The following FOXP2 variants were observed in gnomAD, a reference collection of about 807,000 sequenced individuals.
The protein encoded by FOXP2 is forkhead box P2.
In FOXP2, 12 loss-of-function variants were observed where a neutral mutation model predicts 115.8. The observed-to-expected ratio is 0.10, with a 90% CI of 0.07 to 0.17. The LOEUF (loss-of-function observed/expected upper bound fraction) is 0.17, where lower values mean the gene tolerates loss of function less well. Among genes scored for constraint, FOXP2 ranks in the 10% least tolerant of loss-of-function variants. The pLI is 1.00. For missense variants in FOXP2, 629 were observed against 843.5 expected (o/e 0.75, Z 3.15); for synonymous variants, 328 against 297.7 (o/e 1.10, Z -1.05).
At chr7:114,181,552 G>C (rs1793457693) in intron 1 of FOXP2, among the ~76,000 whole-genome samples, 1 of 151,884 alleles carries the variant, frequency 6.6e-6, no homozygotes, top group Admixed American at 6.6e-5. Context: ...GTTGATGATA[G>C]TTTCCTTTAT....
At chr7:114,477,218 G>T (rs983349558) in intron 2 of FOXP2, among the ~76,000 whole-genome samples, 3 of 151,962 alleles carry the variant, frequency 2.0e-5, no homozygotes, top group East Asian at 1.9e-4. Flanking sequence ...TATGTTCATT[G>T]TTACGCTATT....
At chr7:114,150,266 T>A (rs1245517880) in intron 1 of FOXP2, among the ~76,000 whole-genome samples, 4 of 152,008 alleles carry the variant, frequency 2.6e-5, no homozygotes, top group Non-Finnish European at 5.9e-5. Context: ...AAGGTAGCCC[T>A]CCATTTGTCC....
At chr7:114,380,647 G>T (rs1212552297) in intron 2 of FOXP2, among the ~76,000 whole-genome samples, 1 of 152,186 alleles carries the variant, frequency 6.6e-6, no homozygotes, top group African/African-American at 2.4e-5. Context: ...CGCAGCACTG[G>T]CCCTTCAAGT....
chr7:114,565,022 A>T (rs1476558861), intron 3 of FOXP2, among the ~76,000 whole-genome samples: 1 of 151,828 alleles, frequency 6.6e-6, no homozygotes, highest in Non-Finnish European at 1.5e-5. Flanking sequence ...TCACAAATGT[A>T]GCTTTTTAAA....
intron 2 of FOXP2, among the ~76,000 whole-genome samples, chr7:114,324,512 A>G (rs1203343540): frequency 2.6e-5 from 4 of 151,832 alleles, no homozygotes; most frequent in Non-Finnish European, 5.9e-5. Flanking sequence ...GCTTGCTGAT[A>G]TTGAGGTTTT....
At chr7:114,237,427 C>T (rs1245526880) in intron 1 of FOXP2, among the ~76,000 whole-genome samples, 3 of 152,116 alleles carry the variant, frequency 2.0e-5, no homozygotes, top group South Asian at 4.1e-4. Context: ...TTGGGACAAT[C>T]GAAATTGAAT....
chr7:114,213,602 T>G (rs1794412113), intron 1 of FOXP2, among the ~76,000 whole-genome samples: 1 of 152,156 alleles, frequency 6.6e-6, no homozygotes, highest in South Asian at 2.1e-4. Context: ...TATATTAATG[T>G]TTATAGCAAT....
chr7:114,131,564 A>G (rs1003127503), intron 1 of FOXP2, among the ~76,000 whole-genome samples: 1 of 152,196 alleles, frequency 6.6e-6, no homozygotes. Flanking sequence ...GCAAAAAAAA[A>G]AGAAAAACAT....
At chr7:114,677,177 A>AG (rs1482913535) in intron 16 of FOXP2, among the ~76,000 whole-genome samples, 1 of 139,884 alleles carries the variant, frequency 7.1e-6, no homozygotes, top group Non-Finnish European at 1.6e-5. Context: ...AAAAACAAAA[A>AG]AAAAAAAAAC....
intron 16 of FOXP2, chr7:114,668,945 C>T (rs1032807372): frequency 2.0e-5 from 3 of 151,898 alleles, no homozygotes; most frequent in Non-Finnish European, 4.4e-5. Context: ...AGAAGGAGAA[C>T]AAAAGAGATT....
At chr7:114,548,974 A>T (rs768054975) in intron 3 of FOXP2, among the ~76,000 whole-genome samples, 10 of 152,218 alleles carry the variant, frequency 6.6e-5, no homozygotes, top group Non-Finnish European at 1.5e-4. Flanking sequence ...TCACTGGAAC[A>T]CTTCAGAAAG....
intron 2 of FOXP2, among the ~76,000 whole-genome samples, chr7:114,514,324 A>G (rs1186004360): frequency 6.6e-6 from 1 of 152,148 alleles, no homozygotes; most frequent in Admixed American, 6.6e-5. Flanking sequence ...TTTGTCATTA[A>G]CTATCATCAC....
chr7:114,251,503 A>G (rs1029768299), intron 1 of FOXP2, among the ~76,000 whole-genome samples: 10 of 152,194 alleles, frequency 6.6e-5, no homozygotes, highest in Non-Finnish European at 1.2e-4. Flanking sequence ...TCCTCGAAGA[A>G]ATACTTCACA....
At chr7:114,681,275 A>G (rs765439507) in intron 16 of FOXP2, among the ~76,000 whole-genome samples, 1 of 152,206 alleles carries the variant, frequency 6.6e-6, no homozygotes, top group Non-Finnish European at 1.5e-5. Flanking sequence ...TCTTTACATC[A>G]TTATAGATAC....
intron 1 of FOXP2, among the ~76,000 whole-genome samples, chr7:114,250,946 CT>C (rs1795425739): frequency 6.6e-6 from 1 of 152,140 alleles, no homozygotes; most frequent in Non-Finnish European, 1.5e-5. Context: ...ACATTTAAGT[CT>C]TTAATCCATC....
chr7:114,628,735 T>C (rs1423026703), intron 4 of FOXP2, 58 bp downstream of exon 4: 2 of 1,605,962 alleles, frequency 1.2e-6, no homozygotes, highest in African/African-American at 2.7e-5. Context: ...TGCACTTATT[T>C]TGAAAGTGCA....
At chr7:114,601,799 T>C (rs781053272) in intron 3 of FOXP2, among the ~76,000 whole-genome samples, 45 of 152,246 alleles carry the variant, frequency 3.0e-4, no homozygotes, top group Non-Finnish European at 3.8e-4. Flanking sequence ...TATAACTTCA[T>C]AGGGGTCAAA....
At chr7:114,181,036 G>T (rs751187458) in intron 1 of FOXP2, among the ~76,000 whole-genome samples, 4 of 151,750 alleles carry the variant, frequency 2.6e-5, no homozygotes. Context: ...GATTGTGCCT[G>T]TCTCTCTATC....
At chr7:114,121,252 A>G (rs1450957302) in intron 1 of FOXP2, among the ~76,000 whole-genome samples, 2 of 152,004 alleles carry the variant, frequency 1.3e-5, no homozygotes, top group Non-Finnish European at 2.9e-5. Context: ...CCATGTGAGG[A>G]TACAAAGAGA....
Sources: allele counts gnomAD v4.1 joint callset (sites outside exome capture counted in the v4.1 genomes callset), GRCh38; gene constraint gnomAD v4.1.1; transcripts MANE v1.5; gene names NCBI Gene and HGNC (gene_info 2026-07-23, HGNC 2026-07-21).